TENM2: variants seen among roughly 807,000 people sequenced by gnomAD.
TENM2 encodes the protein teneurin transmembrane protein 2.
Under a neutral mutation model 245.2 loss-of-function variants are expected in TENM2, and 52 were observed. The ratio of observed to expected loss-of-function variants is 0.21; its 90% CI spans 0.17 to 0.27. The LOEUF (loss-of-function observed/expected upper bound fraction) is 0.27, where lower values mean the gene tolerates loss of function less well. TENM2 is among the 10% of genes least tolerant of loss of function. TENM2 has a pLI of 1.00. For missense variants in TENM2, 3,046 were observed against 3,666.8 expected (o/e 0.83, Z 4.37); for synonymous variants, 1,363 against 1,438.9 (o/e 0.95, Z 1.19).
the TENM2 span, among the ~76,000 whole-genome samples, chr5:167,200,574 C>T: frequency 6.6e-6 from 1 of 152,056 alleles, no homozygotes; most frequent in African/African-American, 2.4e-5. Context: ...CTAAGGATAA[C>T]TCTGTCACCA....
intron 2 of TENM2, among the ~76,000 whole-genome samples, chr5:167,620,349 A>G (rs1778078510): frequency 6.6e-6 from 1 of 152,186 alleles, no homozygotes; most frequent in South Asian, 2.1e-4. Context: ...AGAAGTCTGC[A>G]GTACCTTTCA....
the TENM2 span, among the ~76,000 whole-genome samples, chr5:167,231,404 C>T: frequency 6.6e-6 from 1 of 152,164 alleles, no homozygotes; most frequent in Non-Finnish European, 1.5e-5. Context: ...CTCAGATGGT[C>T]TCACATGGAA....
At chr5:167,999,128 C>G (rs1297047734) in intron 5 of TENM2, among the ~76,000 whole-genome samples, 1 of 152,176 alleles carries the variant, frequency 6.6e-6, no homozygotes, top group Non-Finnish European at 1.5e-5. Context: ...AATGTCAGCC[C>G]TCTCATTCCA....
chr5:167,890,381 T>C (rs1774650720), intron 3 of TENM2, among the ~76,000 whole-genome samples: 1 of 152,152 alleles, frequency 6.6e-6, no homozygotes, highest in Non-Finnish European at 1.5e-5. Context: ...TATTAAATAA[T>C]AATCATCATC....
chr5:167,195,323 C>T, the TENM2 span, among the ~76,000 whole-genome samples: 1 of 151,990 alleles, frequency 6.6e-6, no homozygotes, highest in Non-Finnish European at 1.5e-5. Flanking sequence ...TACTCAGTCA[C>T]CTACAAGAGA....
chr5:167,170,091 C>G, the TENM2 span, among the ~76,000 whole-genome samples: 1 of 152,202 alleles, frequency 6.6e-6, no homozygotes, highest in African/African-American at 2.4e-5. Context: ...ACGGGTACAT[C>G]TATTGGCTGG....
chr5:167,940,361 T>C (rs2151763000), intron 3 of TENM2, among the ~76,000 whole-genome samples: 1 of 152,296 alleles, frequency 6.6e-6, no homozygotes. Flanking sequence ...TAAAATAGCA[T>C]CTTTGCCTTC....
chr5:167,748,298 C>T (rs1293037120), intron 2 of TENM2, among the ~76,000 whole-genome samples: 1 of 152,072 alleles, frequency 6.6e-6, no homozygotes, highest in African/African-American at 2.4e-5. Flanking sequence ...TTCATTGACC[C>T]ATATTAAAGG....
chr5:167,731,505 C>T (rs1450644039), intron 2 of TENM2, among the ~76,000 whole-genome samples: 5 of 152,106 alleles, frequency 3.3e-5, no homozygotes, highest in Non-Finnish European at 7.4e-5. Flanking sequence ...TCTCAGTCCT[C>T]CAGACCCTTC....
chr5:168,080,222 G>A (rs1446645408), intron 7 of TENM2, among the ~76,000 whole-genome samples: 1 of 152,158 alleles, frequency 6.6e-6, no homozygotes, highest in Non-Finnish European at 1.5e-5. Flanking sequence ...TTGCGTAGAG[G>A]TGTTTATAGT....
chr5:167,415,703 A>G (rs909630492), intron 2 of TENM2, among the ~76,000 whole-genome samples: 9 of 152,036 alleles, frequency 5.9e-5, no homozygotes, highest in Admixed American at 2.0e-4. Flanking sequence ...AAAAAATTCT[A>G]TGGTTGAAGT....
intron 2 of TENM2, among the ~76,000 whole-genome samples, chr5:167,687,503 C>A (rs946544990): frequency 6.6e-6 from 1 of 152,150 alleles, no homozygotes; most frequent in Non-Finnish European, 1.5e-5. Context: ...AAAACTATTT[C>A]TCTACCTACT....
chr5:167,170,148 G>C, the TENM2 span, among the ~76,000 whole-genome samples: 1 of 152,202 alleles, frequency 6.6e-6, no homozygotes, highest in Non-Finnish European at 1.5e-5. Context: ...AATAGCCTAT[G>C]CTGTTTTCAA....
chr5:167,903,186 T>C (rs1019273682), intron 3 of TENM2, among the ~76,000 whole-genome samples: 4 of 152,220 alleles, frequency 2.6e-5, no homozygotes, highest in Admixed American at 6.5e-5. Flanking sequence ...GTAAATCTTA[T>C]ATTTGGCTGG....
intron 9 of TENM2, among the ~76,000 whole-genome samples, chr5:168,107,840 C>T (rs1490584293): frequency 6.6e-6 from 1 of 152,178 alleles, no homozygotes; most frequent in Non-Finnish European, 1.5e-5. Flanking sequence ...GCTCACAGGT[C>T]ACCACCTCCC....
At chr5:167,991,086 G>A (rs1201753807) in intron 4 of TENM2, among the ~76,000 whole-genome samples, 2 of 152,186 alleles carry the variant, frequency 1.3e-5, no homozygotes, top group African/African-American at 4.8e-5. Context: ...CTGTAAAACT[G>A]AGGTAATAAT....
chr5:168,242,538 C>T (rs1243388365), intron 25 of TENM2, among the ~76,000 whole-genome samples: 1 of 151,524 alleles, frequency 6.6e-6, no homozygotes, highest in Admixed American at 6.6e-5. Context: ...TTTGTAACCA[C>T]TCTGTTTGAA....
In TENM2 at chr5:168,118,503, C is replaced by G; in HGVS notation, c.2008+17C>G. ...GTGAGGAAGGTAAGCCCGCCGGCCC[C>G]GGGGCTAGGCAGCAGTGGAGGGAGG... is the stretch of plus-strand genomic sequence containing the variant. On this transcript the variant is annotated intron_variant, in intron 10 of 28. Transcript: ENST00000518659. 6.7e-7 allele frequency: 1 copy of G among 1,490,618 alleles called. No individual in the cohort carries two copies. The allele number at this position is 1,490,618 out of a possible 1,614,324, so 92.3% of individuals were successfully genotyped here.
the TENM2 span, among the ~76,000 whole-genome samples, chr5:167,154,594 A>C: frequency 6.6e-6 from 1 of 152,194 alleles, no homozygotes; most frequent in Non-Finnish European, 1.5e-5. Flanking sequence ...TTTTTCAAAA[A>C]CAATAGAAGA....
Sources: allele counts gnomAD v4.1 joint callset (sites outside exome capture counted in the v4.1 genomes callset), GRCh38; gene constraint gnomAD v4.1.1; transcripts MANE v1.5; gene names NCBI Gene and HGNC (gene_info 2026-07-23, HGNC 2026-07-21).